EFCAB8: variants seen among roughly 807,000 people sequenced by gnomAD.
EFCAB8 encodes EF-hand calcium binding domain 8.
In EFCAB8, 100 loss-of-function variants were observed where a neutral mutation model predicts 116.3. The ratio of observed to expected loss-of-function variants is 0.86; its 90% confidence interval spans 0.73 to 1.02. The LOEUF is 1.02. Ranked by LOEUF, EFCAB8 falls within the 50% of genes least tolerant of loss-of-function variation. EFCAB8 has a pLI of 0.00. For synonymous variants in EFCAB8, 558 were observed against 567.9 expected (o/e 0.98, Z 0.25); for missense variants, 1,320 against 1,416.9 (o/e 0.93, Z 1.10).
intron 23 of EFCAB8, 62 bp from the exon 24 acceptor site, chr20:32,958,359 G>A (rs1241780349): frequency 7.2e-6 from 3 of 415,196 alleles, no homozygotes; most frequent in Non-Finnish European, 1.3e-5. Flanking sequence ...AGGATAAGGG[G>A]CAGAGGGCAT....
intron 3 of EFCAB8, among the ~76,000 whole-genome samples, chr20:32,874,105 A>AGAC: frequency 6.6e-6 from 1 of 151,886 alleles, no homozygotes; most frequent in African/African-American, 2.4e-5. Context: ...ATTTTCTGTG[A>AGAC]AGATGCGGTT....
intron 23 of EFCAB8, among the ~76,000 whole-genome samples, chr20:32,956,981 C>A (rs1745291892): frequency 7.0e-6 from 1 of 142,328 alleles, no homozygotes; most frequent in Admixed American, 7.0e-5. Flanking sequence ...TCTCTGAATT[C>A]CAGATTATTT....
intron 3 of EFCAB8, among the ~76,000 whole-genome samples, chr20:32,868,937 G>C (rs1296004905): frequency 2.0e-5 from 3 of 151,804 alleles, no homozygotes; most frequent in Non-Finnish European, 4.4e-5. Flanking sequence ...GTGAGCCAAG[G>C]TCATGCCACT....
intron 9 of EFCAB8, among the ~76,000 whole-genome samples, 180 bp downstream of exon 9, chr20:32,893,478 G>C (rs1349207519): frequency 1.3e-5 from 2 of 152,162 alleles, no homozygotes; most frequent in Admixed American, 6.5e-5. Flanking sequence ...GAGGCGATGG[G>C]GGGCAGCAGA....
chr20:32,953,841 G>T (rs569911172), intron 23 of EFCAB8, among the ~76,000 whole-genome samples: 1 of 152,148 alleles, frequency 6.6e-6, no homozygotes, highest in East Asian at 1.9e-4. Context: ...ATGGAGGTTT[G>T]CTCTTGTTAC....
intron 15 of EFCAB8, among the ~76,000 whole-genome samples, chr20:32,910,738 CTT>C (rs34185318): frequency 7.5e-5 from 8 of 107,308 alleles, no homozygotes; most frequent in Non-Finnish European, 1.1e-4. Flanking sequence ...TCACTTGCTA[CTT>C]TTTTTTTTTT....
At chr20:32,909,795 C>A (rs1986834088) in intron 14 of EFCAB8, 26 bp from the exon 15 acceptor site, 7 of 1,177,874 alleles carry the variant, frequency 5.9e-6, no homozygotes, top group Non-Finnish European at 7.6e-6. Flanking sequence ...GACAGACAAG[C>A]TCTCTGCCCC....
At chr20:32,896,765 G>A (rs58684353) in intron 10 of EFCAB8, among the ~76,000 whole-genome samples, 2 of 152,126 alleles carry the variant, frequency 1.3e-5, no homozygotes, top group East Asian at 1.9e-4. Context: ...GGCCGACACC[G>A]CCTCGCTCCT....
intron 21 of EFCAB8, 134 bp from the exon 22 acceptor site, chr20:32,931,044 G>A (rs1330813512): frequency 9.6e-6 from 7 of 725,730 alleles, no homozygotes; most frequent in Non-Finnish European, 6.8e-6. Flanking sequence ...TAGTGGTGAG[G>A]TATCTCAGAG....
intron 23 of EFCAB8, among the ~76,000 whole-genome samples, chr20:32,957,779 C>T (rs1989017916): frequency 6.6e-6 from 1 of 151,692 alleles, no homozygotes; most frequent in Non-Finnish European, 1.5e-5. Flanking sequence ...CAGGAGTGCC[C>T]CCGAGACAAG....
chr20:32,906,337 A>G (rs1986670955), intron 11 of EFCAB8, among the ~76,000 whole-genome samples: 1 of 152,046 alleles, frequency 6.6e-6, no homozygotes, highest in South Asian at 2.1e-4. Flanking sequence ...TGGGGCCAGG[A>G]CTGGGCTGCT....
At chr20:32,933,740 A>T (rs956940871) in intron 22 of EFCAB8, among the ~76,000 whole-genome samples, 7 of 152,170 alleles carry the variant, frequency 4.6e-5, no homozygotes, top group African/African-American at 9.7e-5. Context: ...GTACTTTGGG[A>T]GGCCGAGGCG....
intron 11 of EFCAB8, chr20:32,903,379 T>G (rs954971121): frequency 2.0e-5 from 3 of 152,344 alleles, no homozygotes; most frequent in African/African-American, 7.2e-5. Context: ...TTATGTCCCT[T>G]GCAGGACTCG....
chr20:32,939,775 A>G (rs1444640045), intron 22 of EFCAB8, among the ~76,000 whole-genome samples: 1 of 140,118 alleles, frequency 7.1e-6, no homozygotes, highest in Non-Finnish European at 1.5e-5. Flanking sequence ...GTTCACTGCA[A>G]CCTCCGCCTC....
At chr20:32,939,973 G>A (rs1403405212) in intron 22 of EFCAB8, among the ~76,000 whole-genome samples, 4 of 139,040 alleles carry the variant, frequency 2.9e-5, no homozygotes, top group South Asian at 2.3e-4. Context: ...ACGATTACAG[G>A]CATGAGCCAC....
At chr20:32,922,076 G>C (rs1379562936) in intron 20 of EFCAB8, among the ~76,000 whole-genome samples, 1 of 151,990 alleles carries the variant, frequency 6.6e-6, no homozygotes, top group African/African-American at 2.4e-5. Context: ...TGATCCACTG[G>C]CCTCGGCTTC....
intron 26 of EFCAB8, 88 bp from the exon 27 acceptor site, chr20:32,961,048 G>T: frequency 8.7e-7 from 1 of 1,155,500 alleles, no homozygotes. Context: ...ACCTCAGGGC[G>T]CCTCCTTCCT....
intron 5 of EFCAB8, among the ~76,000 whole-genome samples, chr20:32,879,689 C>A (rs971383034): frequency 1.3e-5 from 2 of 152,138 alleles, no homozygotes; most frequent in African/African-American, 4.8e-5. Context: ...AAGCGTAATA[C>A]ATGGCGGAAA....
At chr20:32,878,157 T>G (rs1985086716) in intron 4 of EFCAB8, among the ~76,000 whole-genome samples, 1 of 152,010 alleles carries the variant, frequency 6.6e-6, no homozygotes, top group Non-Finnish European at 1.5e-5. Context: ...TCCCAGCTAC[T>G]CAGGAGGCTG....
Sources: allele counts gnomAD v4.1 joint callset (sites outside exome capture counted in the v4.1 genomes callset), GRCh38; gene constraint gnomAD v4.1.1; transcripts MANE v1.5; gene names NCBI Gene and HGNC (gene_info 2026-07-23, HGNC 2026-07-21).